PACS2: variants seen among roughly 807,000 people sequenced by gnomAD.
PACS2 encodes phosphofurin acidic cluster sorting protein 2.
PACS2 carries 36 observed loss-of-function variants against 113.0 expected under a neutral mutation model. The observed-to-expected ratio is 0.32, with a 90% CI of 0.24 to 0.42. PACS2 has a LOEUF of 0.42. PACS2 is among the 10% of genes least tolerant of loss of function. PACS2 has a pLI of 1.00. For missense variants in PACS2, 1,015 were observed against 1,239.5 expected, an observed-to-expected ratio of 0.82 and a Z score of 2.72; for synonymous variants, 589 against 536.1, an observed-to-expected ratio of 1.10 and a Z score of -1.36.
At chr14:105,379,391 C>T (rs2080900340) in intron 9 of PACS2, among the ~76,000 whole-genome samples, 2 of 152,236 alleles carry the variant, frequency 1.3e-5, no homozygotes, top group African/African-American at 4.8e-5. Flanking sequence ...GCCAGTGGAG[C>T]TCTCCCCAGA....
rs1348138983 is a variant in PACS2, at chr14:105,355,815, A to G, written c.423+638A>G. On this transcript the variant is annotated intron_variant, in intron 4 of 24. Transcript: ENST00000447393. This position sits in a 1 kb window ranked among gnomAD's most constrained non-coding sequence, Gnocchi z 4.1. Reference sequence around the variant, plus strand: ...AGGGCGTGGGGGCCTGGGAGAAGACACCCCAGGCTGAGGCCTCGGACTTTC... The same window carrying G: ...AGGGCGTGGGGGCCTGGGAGAAGACGCCCCAGGCTGAGGCCTCGGACTTTC... 6.6e-6 allele frequency among the ~76,000 whole-genome samples: 1 copy of G among 152,006 alleles called. No homozygotes were observed. Among genetic ancestry groups the G allele is most frequent in the African/African-American group, 2.4e-5 (1 of 41,362 alleles).
At chr14:105,304,772 T>C (rs2058135086) in intron 1 of PACS2, among the ~76,000 whole-genome samples, 1 of 152,220 alleles carries the variant, frequency 6.6e-6, no homozygotes, top group South Asian at 2.1e-4. Context: ...GCAAGTCACG[T>C]CTTACGTGGA....
In PACS2 at chr14:105,384,399, C is replaced by T. The variant is rs143071112; in HGVS notation, c.1827C>T (p.Tyr609=). The change falls in exon 17 of 25, where the codon TAC becomes TAT. Residue 609 remains tyrosine (Y), a synonymous_variant. Coordinates refer to ENST00000447393, the MANE Select transcript of PACS2 (RefSeq NM_001100913.3). ...ARYLGSVDYR[Y]NNFFQDLAWR... is the part of the protein sequence containing the mutation. ...ACCTAGGCTCCGTGGACTACCGCTA[C>T]AACAACTTCTTCCAGGACCTGGCCT... 6,654 of 1,612,514 alleles carry T rather than the reference C, an allele frequency of 4.1e-3. 21 individuals carry two copies. Among genetic ancestry groups the T allele is most frequent in the Non-Finnish European group, 4.9e-3 (5,728 of 1,179,766 alleles).
At chr14:105,378,987 A>T (rs2080883817) in intron 9 of PACS2, among the ~76,000 whole-genome samples, 1 of 143,662 alleles carries the variant, frequency 7.0e-6, no homozygotes, top group East Asian at 2.0e-4. Flanking sequence ...AGCCTGGATC[A>T]GCCTGGGTGG....
chr14:105,311,034 C>T (rs1422616886), upstream of PACS2, among the ~76,000 whole-genome samples: 1 of 152,136 alleles, frequency 6.6e-6, no homozygotes, highest in East Asian at 1.9e-4. Context: ...CTCAATGGAA[C>T]CTCTGCCTGC....
Position 105,340,049 on chromosome 14 carries a change from G to A in PACS2, c.120-8444G>A, listed in dbSNP as rs187929632. 1.1e-4 allele frequency among the ~76,000 whole-genome samples: 17 copies of A among 152,354 alleles called. No homozygotes were observed. The East Asian group carries it at 3.3e-3, about 29-fold the overall frequency. ...CTGCCTTGGCCTCCCAAAGGGCTGC[G>A]ATTCCAAGTGTGAGCCACCGCGTCT... On this transcript the variant is annotated intron_variant, in intron 1 of 24. Coordinates refer to ENST00000447393, the MANE Select transcript of PACS2 (RefSeq NM_001100913.3). The surrounding 1 kb of genome is among the most constrained non-coding windows in gnomAD (Gnocchi z 4.2).
chr14:105,372,983 T>A (rs1371309426), intron 8 of PACS2: 1 of 152,092 alleles, frequency 6.6e-6, no homozygotes, highest in African/African-American at 2.4e-5. Context: ...CCAATAGATA[T>A]ATTAAAAACT....
intron 4 of PACS2, among the ~76,000 whole-genome samples, chr14:105,362,356 G>T (rs1381132668): frequency 6.7e-6 from 1 of 149,378 alleles, no homozygotes; most frequent in Non-Finnish European, 1.5e-5. Context: ...GGTGGAGCTT[G>T]CAGTGAGCCG....
intron 1 of PACS2, among the ~76,000 whole-genome samples, chr14:105,331,246 T>G (rs1447159425): frequency 6.6e-6 from 1 of 152,242 alleles, no homozygotes; most frequent in African/African-American, 2.4e-5. Context: ...TGAGCCACCG[T>G]GCCCAGCCTG....
rs151149670 is a variant in PACS2 at position 105,380,145 on chromosome 14, G to A, written c.1116G>A (p.Thr372=). The change falls in exon 11 of 25, where the codon ACG becomes ACA. Residue 372 remains threonine, a synonymous_variant. Coordinates refer to ENST00000447393, the MANE Select transcript of PACS2 (RefSeq NM_001100913.3). ...GRQPSDSVSD[T]VALGVPGPRE... ...AGCCGAGCGACAGTGTCTCTGACAC[G>A]GTGGCCCTCGTAAGCAGGCTTGGGC... 37 of 1,551,588 alleles carry A rather than the reference G, an allele frequency of 2.4e-5. No individual in the cohort carries two copies. The highest frequency in any genetic ancestry group is 2.0e-4 in the South Asian group (17 of 84,118).
At chr14:105,332,133 T>A (rs1287343420) in intron 1 of PACS2, among the ~76,000 whole-genome samples, 1 of 152,256 alleles carries the variant, frequency 6.6e-6, no homozygotes, top group Non-Finnish European at 1.5e-5. Context: ...ATCTCTCTTC[T>A]TGTTTTGGAA....
intron 1 of PACS2, among the ~76,000 whole-genome samples, chr14:105,307,458 C>T (rs2058223261): frequency 1.3e-5 from 2 of 152,328 alleles, no homozygotes; most frequent in Non-Finnish European, 1.5e-5. Context: ...TTCACCCCCT[C>T]CCTGTCCTGA....
chr14:105,320,977 A>C (rs2058864181), intron 1 of PACS2, among the ~76,000 whole-genome samples: 1 of 152,204 alleles, frequency 6.6e-6, no homozygotes, highest in Non-Finnish European at 1.5e-5. Context: ...ACGTAGTGAA[A>C]TCCCATCTCT....
chr14:105,321,153 G>A (rs952292179), intron 1 of PACS2, among the ~76,000 whole-genome samples: 2 of 152,164 alleles, frequency 1.3e-5, no homozygotes, highest in Non-Finnish European at 2.9e-5. Flanking sequence ...TTCTGGGTCA[G>A]TGTGTCAATT....
rs140857868 is a variant in PACS2 at position 105,376,205 on chromosome 14, T to C, written c.802-563T>C. 0.025 allele frequency among the ~76,000 whole-genome samples: 3,779 copies of C among 151,416 alleles called. 156 individuals are homozygous for C. Among genetic ancestry groups the C allele is most frequent in the African/African-American group, 0.086 (3,528 of 41,196 alleles). Reference sequence around the variant, plus strand: ...GGCTTATGGGGATTACAATTCAAGGTGAGACTTGGGTGGGGACACAGTGGA... The same window carrying C: ...GGCTTATGGGGATTACAATTCAAGGCGAGACTTGGGTGGGGACACAGTGGA... On this transcript the variant is annotated intron_variant, in intron 8 of 24. Transcript: ENST00000447393. This position sits in a 1 kb window ranked among gnomAD's most constrained non-coding sequence, Gnocchi z 4.7.
chr14:105,342,230 C>CTGTGTGTGTGTGTG (rs373390359), intron 1 of PACS2, among the ~76,000 whole-genome samples: 10 of 140,340 alleles, frequency 7.1e-5, no homozygotes, highest in African/African-American at 1.8e-4. Context: ...AAGCTGCTGC[C>CTGTGTGTGTGTGTG]TGTGTGTGTG....
intron 1 of PACS2, among the ~76,000 whole-genome samples, chr14:105,316,203 T>A (rs1229129553): frequency 6.6e-6 from 1 of 152,094 alleles, no homozygotes; most frequent in African/African-American, 2.4e-5. Context: ...CTCTTGCACC[T>A]GGCGGGGCCT....
At chr14:105,335,692 C>T (rs933663546) in intron 1 of PACS2, among the ~76,000 whole-genome samples, 6 of 152,216 alleles carry the variant, frequency 3.9e-5, no homozygotes, top group African/African-American at 1.4e-4. Flanking sequence ...GCCTCCTTGG[C>T]CCTGACCACT....
intron 5 of PACS2, 108 bp downstream of exon 5, chr14:105,367,483 G>A: frequency 2.7e-6 from 3 of 1,106,658 alleles, no homozygotes; most frequent in Admixed American, 3.6e-5. Context: ...AGGAGTTGGG[G>A]GTCCGGAGCA....
Sources: allele counts gnomAD v4.1 joint callset (sites outside exome capture counted in the v4.1 genomes callset), GRCh38; gene constraint gnomAD v4.1.1; non-coding constraint Gnocchi (gnomAD v3.1); transcripts MANE v1.5; gene names NCBI Gene and HGNC (gene_info 2026-07-23, HGNC 2026-07-21).